Variants in NAV1 observed in about 807,000 individuals in gnomAD.
NAV1 encodes pore membrane and/or filament interacting like protein 3.
A neutral mutation model predicts 175.2 loss-of-function variants in NAV1; 18 were observed. The observed-to-expected ratio is 0.10, with a 90% confidence interval of 0.07 to 0.15. NAV1 has a LOEUF of 0.15. Among genes scored for constraint, NAV1 ranks in the 10% least tolerant of loss-of-function variants. The pLI, the probability that NAV1 is intolerant of heterozygous loss-of-function variation, is 1.00. For synonymous variants in NAV1, 897 were observed against 978.7 expected (o/e 0.92, Z 1.56); for missense variants, 1,731 against 2,436.6 (o/e 0.71, Z 6.10).
At chr1:201,642,525 T>TTTTCTTTCTTTC (rs762452787) in intron 2 of NAV1, among the ~76,000 whole-genome samples, 2 of 100,302 alleles carry the variant, frequency 2.0e-5, no homozygotes, top group South Asian at 2.7e-4. Flanking sequence ...TTCTTTCTTT[T>TTTTCTTTCTTTC]TTTCTTTCTT....
intron 1 of NAV1, among the ~76,000 whole-genome samples, chr1:201,576,749 A>G (rs1405704061): frequency 6.6e-6 from 1 of 152,200 alleles, no homozygotes; most frequent in Non-Finnish European, 1.5e-5. Flanking sequence ...CATTTCTACC[A>G]GCAATGTATG....
upstream of NAV1, among the ~76,000 whole-genome samples, chr1:201,620,721 A>C (rs938449447): frequency 6.6e-6 from 1 of 152,026 alleles, no homozygotes; most frequent in Non-Finnish European, 1.5e-5. Context: ...CGCCTGCCTC[A>C]GTCTCCCAAA....
chr1:201,600,164 G>T (rs1046185977), intron 2 of NAV1, among the ~76,000 whole-genome samples: 12 of 152,190 alleles, frequency 7.9e-5, no homozygotes, highest in African/African-American at 2.9e-4. Flanking sequence ...TACCAGAGGG[G>T]TCCCCAAGGC....
intron 1 of NAV1, among the ~76,000 whole-genome samples, chr1:201,626,283 C>T (rs768237843): frequency 6.6e-6 from 1 of 152,244 alleles, no homozygotes; most frequent in African/African-American, 2.4e-5. Flanking sequence ...TCTCTCCTCC[C>T]TCCCTGCCAC....
intron 1 of NAV1, among the ~76,000 whole-genome samples, chr1:201,676,543 G>A (rs551118198): frequency 4.6e-5 from 7 of 151,164 alleles, no homozygotes; most frequent in South Asian, 4.2e-4. Context: ...CGAGGGAAGC[G>A]GCTGGGGAGA....
At chr1:201,709,038 A>G (rs1392673190) in intron 1 of NAV1, among the ~76,000 whole-genome samples, 1 of 151,756 alleles carries the variant, frequency 6.6e-6, no homozygotes, top group Non-Finnish European at 1.5e-5. Flanking sequence ...AGTCCCAGCT[A>G]CTCAGGAGGC....
chr1:201,669,057 A>C (rs963110212), intron 1 of NAV1, among the ~76,000 whole-genome samples: 7 of 152,176 alleles, frequency 4.6e-5, no homozygotes, highest in African/African-American at 1.7e-4. Flanking sequence ...CCTGTGTAGC[A>C]CTGTGGTTAA....
intron 1 of NAV1, among the ~76,000 whole-genome samples, chr1:201,652,392 C>T (rs1669239910): frequency 2.6e-5 from 4 of 152,150 alleles, no homozygotes; most frequent in Admixed American, 6.5e-5. Flanking sequence ...CCTTCGCTAA[C>T]CTTGGAAGCT....
intron 1 of NAV1, among the ~76,000 whole-genome samples, chr1:201,569,797 A>C (rs933673253): frequency 3.3e-5 from 5 of 152,130 alleles, no homozygotes; most frequent in Non-Finnish European, 7.3e-5. Context: ...CCCTTTGCTC[A>C]CCTGGACACC....
chr1:201,730,597 A>G (rs757457811), intron 3 of NAV1, among the ~76,000 whole-genome samples: 3 of 152,224 alleles, frequency 2.0e-5, no homozygotes, highest in Non-Finnish European at 2.9e-5. Context: ...TTCTCAGGCC[A>G]TGCTGTCGAC....
intron 1 of NAV1, among the ~76,000 whole-genome samples, chr1:201,678,941 G>A (rs2102394655): frequency 6.6e-6 from 1 of 152,276 alleles, no homozygotes; most frequent in Admixed American, 6.5e-5. Flanking sequence ...CTTCCAGCTG[G>A]GACACAGGAT....
At chr1:201,717,321 C>T (rs1268950793) in intron 2 of NAV1, among the ~76,000 whole-genome samples, 2 of 152,208 alleles carry the variant, frequency 1.3e-5, no homozygotes, top group African/African-American at 4.8e-5. Flanking sequence ...GGCCACCAAA[C>T]CCCGTTTCGC....
intron 1 of NAV1, among the ~76,000 whole-genome samples, chr1:201,558,416 T>A (rs1362855766): frequency 2.6e-5 from 4 of 152,134 alleles, no homozygotes; most frequent in Non-Finnish European, 4.4e-5. Flanking sequence ...CGAACACTGG[T>A]TTGGGACAAA....
At chr1:201,778,100 C>T (rs972841536) in intron 3 of NAV1, among the ~76,000 whole-genome samples, 1 of 152,134 alleles carries the variant, frequency 6.6e-6, no homozygotes, top group Non-Finnish European at 1.5e-5. Flanking sequence ...CTCTAGCCAA[C>T]CTTCCTTGGT....
intron 1 of NAV1, among the ~76,000 whole-genome samples, chr1:201,687,856 T>C (rs1670745253): frequency 6.6e-6 from 1 of 152,134 alleles, no homozygotes; most frequent in Non-Finnish European, 1.5e-5. Flanking sequence ...TCCAAGGCCC[T>C]CCCTCAGATG....
chr1:201,555,343 T>C (rs556903), intron 1 of NAV1, among the ~76,000 whole-genome samples: 82,638 of 151,970 alleles, frequency 0.54, 22,629 homozygotes, highest in East Asian at 0.66. Context: ...ACATTCTATG[T>C]GACCTCGTTC....
At position 201,740,105 on chromosome 1, in the gene NAV1, C is replaced by T. The variant is rs1049355609; in HGVS notation, c.1226+21350C>T. ...AGCGCCCCCACCCCCCTGGCCTCAC[C>T]GCCAGACCGCAGAGCTGGGGTCGGG... On this transcript the variant is annotated intron_variant, in intron 3 of 29. Transcript: ENST00000367296. The surrounding 1 kb of genome is among the most constrained non-coding windows in gnomAD (Gnocchi z 4.7). The T allele has an allele frequency of 1.4e-6, 2 of 1,427,360 alleles. No individual in the cohort carries two copies. The highest frequency in any genetic ancestry group is 1.5e-5 in the African/African-American group (1 of 67,134). 88.4% of individuals were successfully genotyped at this position (1,427,360 alleles called of 1,614,324 possible).
intron 2 of NAV1, among the ~76,000 whole-genome samples, chr1:201,617,586 T>A (rs1333133811): frequency 6.6e-6 from 1 of 151,982 alleles, no homozygotes; most frequent in African/African-American, 2.4e-5. Flanking sequence ...ATTAGCCCAG[T>A]GTGGTGGTGT....
chr1:201,717,675 C>T (rs530960569), intron 2 of NAV1, among the ~76,000 whole-genome samples: 3 of 152,374 alleles, frequency 2.0e-5, no homozygotes, highest in East Asian at 3.9e-4. Context: ...CCAGTTAAGG[C>T]TGCTTCTATT....
Sources: gnomAD v4.1 joint callset for allele counts (sites outside exome capture counted in the v4.1 genomes callset) on GRCh38, gnomAD v4.1.1 for gene constraint, Gnocchi (gnomAD v3.1) non-coding constraint, MANE v1.5 for transcripts, NCBI Gene and HGNC (gene_info 2026-07-23, HGNC 2026-07-21) for gene names.